KAZN: variants seen among roughly 807,000 people sequenced by gnomAD.
KAZN encodes kazrin.
A neutral mutation model predicts 87.4 loss-of-function variants in KAZN; 40 were observed. The observed-to-expected ratio is 0.46, with a 90% confidence interval of 0.36 to 0.60. The LOEUF is 0.60. Ranked by LOEUF, KAZN falls within the 20% of genes least tolerant of loss-of-function variation. KAZN has a pLI of 0.00. For synonymous variants in KAZN, 466 were observed against 458.3 expected, an observed-to-expected ratio of 1.02 and a Z score of -0.22; for missense variants, 898 against 1,073.9, an observed-to-expected ratio of 0.84 and a Z score of 2.29.
intron 1 of KAZN, among the ~76,000 whole-genome samples, chr1:14,062,066 A>G (rs1194538059): frequency 6.6e-6 from 1 of 152,184 alleles, no homozygotes; most frequent in Admixed American, 6.5e-5. Flanking sequence ...AGCGTGGTGC[A>G]CCCTGGAGAG....
chr1:14,478,621 C>T (rs1220805781), intron 2 of KAZN, among the ~76,000 whole-genome samples: 3 of 152,318 alleles, frequency 2.0e-5, no homozygotes, highest in Non-Finnish European at 4.4e-5. Context: ...AATTTGTCCT[C>T]GCCCATCCTC....
intron 1 of KAZN, among the ~76,000 whole-genome samples, chr1:14,824,668 T>C (rs1356310867): frequency 6.6e-6 from 1 of 152,194 alleles, no homozygotes; most frequent in South Asian, 2.1e-4. Context: ...GGTGGCAGAA[T>C]GCTATTTATG....
intron 1 of KAZN, among the ~76,000 whole-genome samples, chr1:14,777,304 G>A (rs1645209113): frequency 6.6e-6 from 1 of 152,138 alleles, no homozygotes. Context: ...CCCTGAAGTA[G>A]GCATTTCTTT....
At chr1:14,763,101 T>C (rs972613838) in intron 1 of KAZN, among the ~76,000 whole-genome samples, 3 of 152,192 alleles carry the variant, frequency 2.0e-5, no homozygotes, top group African/African-American at 7.2e-5. Context: ...GTAGCTCTGA[T>C]AGGCAAAGTG....
At chr1:14,375,898 A>C (rs1327202772) in intron 2 of KAZN, among the ~76,000 whole-genome samples, 1 of 151,354 alleles carries the variant, frequency 6.6e-6, no homozygotes, top group Admixed American at 6.6e-5. Flanking sequence ...AAAAACAAAA[A>C]AAAAAAAAAG....
rs1424779709 is a variant in KAZN at position 14,382,083 on chromosome 1, T to G, written c.249+201491T>G. ...AGAAAGTAATCCCACTGACAATAGC[T>G]ACAAATAAAATACCTAGGAATTAAC... On this transcript the variant is annotated intron_variant, in intron 2 of 16. Transcript: ENST00000636203. Among the ~76,000 whole-genome samples the G allele has an allele frequency of 3.3e-5, 5 of 152,138 alleles. No individual in the cohort carries two copies. The East Asian group carries it at 9.7e-4, about 29-fold the overall frequency.
At chr1:14,069,374 C>T (rs1643152935) in intron 1 of KAZN, among the ~76,000 whole-genome samples, 1 of 152,172 alleles carries the variant, frequency 6.6e-6, no homozygotes, top group Admixed American at 6.5e-5. Context: ...ATTATCAAGT[C>T]GGGGAGGAGA....
chr1:14,978,829 A>T (rs1665935969), intron 2 of KAZN, among the ~76,000 whole-genome samples: 1 of 152,110 alleles, frequency 6.6e-6, no homozygotes. Context: ...TGCTATTCAG[A>T]GTCTGTTAGG....
chr1:14,854,052 C>G (rs113920401), intron 1 of KAZN, among the ~76,000 whole-genome samples: 3 of 152,258 alleles, frequency 2.0e-5, no homozygotes, highest in Middle Eastern at 3.4e-3. Flanking sequence ...GTGGAAGACC[C>G]TTTACAAGCC....
intron 1 of KAZN, among the ~76,000 whole-genome samples, chr1:14,630,118 G>A (rs1469076225): frequency 6.6e-6 from 1 of 152,120 alleles, no homozygotes; most frequent in East Asian, 1.9e-4. Flanking sequence ...AAAATCTGTG[G>A]GCTCTATAGA....
At chr1:15,070,930 C>G (rs1347902786) in intron 8 of KAZN, among the ~76,000 whole-genome samples, 1 of 152,196 alleles carries the variant, frequency 6.6e-6, no homozygotes, top group Non-Finnish European at 1.5e-5. Flanking sequence ...TAGGCTTTTT[C>G]CAGTTGGACT....
chr1:15,008,613 G>T (rs1557711192), intron 2 of KAZN, among the ~76,000 whole-genome samples: 1 of 152,240 alleles, frequency 6.6e-6, no homozygotes, highest in Non-Finnish European at 1.5e-5. Context: ...AAAGGCCAGA[G>T]GTTATGTGAC....
intron 2 of KAZN, among the ~76,000 whole-genome samples, chr1:14,368,628 C>A (rs1452451642): frequency 6.6e-6 from 1 of 152,118 alleles, no homozygotes; most frequent in African/African-American, 2.4e-5. Flanking sequence ...ACCTGTGATG[C>A]CTCCTCCCTC....
chr1:14,024,898 G>C (rs1213507477), intron 1 of KAZN, among the ~76,000 whole-genome samples: 2 of 152,318 alleles, frequency 1.3e-5, no homozygotes, highest in African/African-American at 4.8e-5. Context: ...ATCCCCAGCT[G>C]ACATTAATAT....
chr1:13,990,349 G>C (rs1639219275), intron 1 of KAZN, among the ~76,000 whole-genome samples: 1 of 152,168 alleles, frequency 6.6e-6, no homozygotes, highest in Admixed American at 6.5e-5. Context: ...AGTAATAAAA[G>C]AAGTGTATTC....
chr1:14,292,460 G>T (rs1653782222), intron 2 of KAZN, among the ~76,000 whole-genome samples: 1 of 152,166 alleles, frequency 6.6e-6, no homozygotes, highest in Non-Finnish European at 1.5e-5. Context: ...GAGGAGGGAG[G>T]AGGAGCTGCG....
chr1:14,594,715 G>C (rs1676383989), upstream of KAZN, among the ~76,000 whole-genome samples: 1 of 152,220 alleles, frequency 6.6e-6, no homozygotes, highest in African/African-American at 2.4e-5. Flanking sequence ...AGCTGTGGAT[G>C]ACAGACTTCT....
At position 14,940,152 on chromosome 1, in the gene KAZN, G is replaced by T. The variant is rs144846304; in HGVS notation, c.227-20532G>T. Among the ~76,000 whole-genome samples the T allele has an allele frequency of 2.0e-5, 3 of 152,292 alleles. No homozygotes were observed. The East Asian group carries it at 5.8e-4, about 29-fold the overall frequency. On this transcript the variant is annotated intron_variant, in intron 1 of 14. Transcript: ENST00000376030. ...GGCGGGGTACTTGGTATAGAGAGCT[G>T]CTTCCTTCCAGGGCCTGTGGGAAAG...
chr1:14,042,531 A>T (rs1392403833), intron 1 of KAZN, among the ~76,000 whole-genome samples: 1 of 152,238 alleles, frequency 6.6e-6, no homozygotes, highest in Non-Finnish European at 1.5e-5. Context: ...GCCAGAACTT[A>T]AATTTAACTT....
Sources: allele counts gnomAD v4.1 joint callset (sites outside exome capture counted in the v4.1 genomes callset), GRCh38; gene constraint gnomAD v4.1.1; transcripts MANE v1.5; gene names NCBI Gene and HGNC (gene_info 2026-07-23, HGNC 2026-07-21).